SLAIN1: variants seen among roughly 807,000 people sequenced by gnomAD.
The protein encoded by SLAIN1 is SLAIN family member 1.
In SLAIN1, 17 loss-of-function variants were observed where a neutral mutation model predicts 55.4. That is an observed-to-expected ratio of 0.31 (90% CI 0.21 to 0.46). The LOEUF is 0.46. SLAIN1 is among the 20% of genes least tolerant of loss of function. SLAIN1 has a pLI of 1.00. For synonymous variants in SLAIN1, 348 were observed against 337.4 expected (o/e 1.03, Z -0.35); for missense variants, 682 against 785.1 (o/e 0.87, Z 1.57).
At chr13:77,740,496 CAT>C (rs1406643773) in intron 2 of SLAIN1, among the ~76,000 whole-genome samples, 3 of 151,154 alleles carry the variant, frequency 2.0e-5, no homozygotes, top group Non-Finnish European at 4.4e-5. Context: ...TGAAAAAATG[CAT>C]AGTCTATGCC....
chr13:77,707,641 G>A (rs1352514832), intron 1 of SLAIN1, among the ~76,000 whole-genome samples: 1 of 152,124 alleles, frequency 6.6e-6, no homozygotes, highest in East Asian at 1.9e-4. Flanking sequence ...CCACATTCAA[G>A]CATCTCTAGG....
chr13:77,709,262 A>G (rs1456592398), intron 1 of SLAIN1, among the ~76,000 whole-genome samples: 2 of 152,128 alleles, frequency 1.3e-5, no homozygotes, highest in African/African-American at 2.4e-5. Flanking sequence ...ATATGGGACT[A>G]TGTGAAAAGA....
At chr13:77,743,256 GAAT>G in intron 2 of SLAIN1, 1 of 1,089,444 alleles carries the variant, frequency 9.2e-7, no homozygotes, top group Non-Finnish European at 1.2e-6. Flanking sequence ...AAAAGCTTGA[GAAT>G]AATCTTAAGA....
chr13:77,752,196 A>G (rs907084897), intron 4 of SLAIN1, among the ~76,000 whole-genome samples: 1 of 152,086 alleles, frequency 6.6e-6, no homozygotes, highest in Non-Finnish European at 1.5e-5. Flanking sequence ...TGGATATTTC[A>G]AGACATCTGA....
At chr13:77,758,618 G>C (rs558783012) in intron 5 of SLAIN1, among the ~76,000 whole-genome samples, 1 of 152,062 alleles carries the variant, frequency 6.6e-6, no homozygotes, top group Non-Finnish European at 1.5e-5. Context: ...TGAGAGGTAG[G>C]TATTCAGTTT....
chr13:77,712,152 C>G (rs2091158170), intron 1 of SLAIN1, among the ~76,000 whole-genome samples: 1 of 152,152 alleles, frequency 6.6e-6, no homozygotes, highest in Admixed American at 6.5e-5. Flanking sequence ...CTTTTGAAAA[C>G]TGGCACAAGA....
At chr13:77,719,489 G>T in intron 1 of SLAIN1, 43 bp from the exon 2 acceptor site, 2 of 1,484,416 alleles carry the variant, frequency 1.3e-6, no homozygotes. Context: ...GGTACTCTCT[G>T]TATACCTATA....
At position 77,697,938 on chromosome 13, in the gene SLAIN1, G is replaced by T. The variant is rs2090989991; in HGVS notation, c.25G>T (p.Ala9Ser). 4 of 1,425,258 alleles carry T rather than the reference G, an allele frequency of 2.8e-6. No individual in the cohort carries two copies. The highest frequency in any genetic ancestry group is 3.0e-5 in the African/African-American group (2 of 66,418). 88.3% of individuals were successfully genotyped at this position (1,425,258 alleles called of 1,614,324 possible). A position where few individuals can be genotyped will look rare whatever the true frequency, so the allele number is the denominator to read the frequency against. ...GATGATGGCGGAGCAGGTGAAATGC[G>T]CCTCGGCAGGGGTCAGCTCTGGAGC... is the stretch of plus-strand genomic sequence containing the variant. MMAEQVKCASAGVSSGAGS... is the reference protein window; with the variant it reads MMAEQVKCSSAGVSSGAGS... Residue 9 changes from alanine (A) to serine (S), a missense_variant, in exon 1 of 7, where the codon GCC becomes TCC. Physicochemically the swap from Ala to Ser is moderately conservative, Grantham distance 99. Coordinates refer to ENST00000418532, the MANE Select transcript of SLAIN1 (RefSeq NM_001242868.2).
At chr13:77,755,026 C>T (rs1307414910) in intron 5 of SLAIN1, among the ~76,000 whole-genome samples, 3 of 152,060 alleles carry the variant, frequency 2.0e-5, no homozygotes, top group Admixed American at 1.3e-4. Context: ...CATTTTATGT[C>T]AGGAGGTTAG....
At chr13:77,721,635 G>C (rs1429299705) in intron 2 of SLAIN1, among the ~76,000 whole-genome samples, 1 of 151,686 alleles carries the variant, frequency 6.6e-6, no homozygotes, top group Non-Finnish European at 1.5e-5. Flanking sequence ...TTTAGATTTT[G>C]TGGGCTACAT....
At chr13:77,755,172 A>C (rs2154410863) in intron 5 of SLAIN1, among the ~76,000 whole-genome samples, 1 of 152,264 alleles carries the variant, frequency 6.6e-6, no homozygotes, top group African/African-American at 2.4e-5. Context: ...TACAAAAATT[A>C]GCCAGGCATA....
At chr13:77,748,398 C>CTTTT (rs934265928) in intron 4 of SLAIN1, among the ~76,000 whole-genome samples, 1,313 of 79,456 alleles carry the variant, frequency 0.017, 50 homozygotes, top group African/African-American at 0.04. Context: ...TTCTCTAAAG[C>CTTTT]TTTTTTTTTT....
At chr13:77,730,008 A>T (rs1247592020) in intron 2 of SLAIN1, among the ~76,000 whole-genome samples, 1 of 152,028 alleles carries the variant, frequency 6.6e-6, no homozygotes, top group Non-Finnish European at 1.5e-5. Flanking sequence ...ATAAGCCATA[A>T]CTCAAAGAAG....
chr13:77,742,677 A>C (rs117219463), intron 2 of SLAIN1: 1 of 152,212 alleles, frequency 6.6e-6, no homozygotes, highest in African/African-American at 2.4e-5. Flanking sequence ...ATCCTTTTTT[A>C]TATTGCAAAA....
chr13:77,746,927 G>T (rs1873868394), intron 4 of SLAIN1, 72 bp downstream of exon 4: 1 of 1,290,884 alleles, frequency 7.7e-7, no homozygotes, highest in Non-Finnish European at 1.1e-6. Flanking sequence ...TGGTTTTTGT[G>T]TTTTTGTTTT....
intron 2 of SLAIN1, among the ~76,000 whole-genome samples, chr13:77,739,468 A>G (rs761469361): frequency 5.9e-5 from 9 of 152,088 alleles, no homozygotes; most frequent in Non-Finnish European, 1.2e-4. Context: ...AATATGTTAT[A>G]GTGTTGCTTT....
At chr13:77,746,380 A>G in intron 3 of SLAIN1, 134 bp from the exon 4 acceptor site, 2 of 699,076 alleles carry the variant, frequency 2.9e-6, no homozygotes, top group Non-Finnish European at 4.6e-6. Flanking sequence ...TTGTCAATTT[A>G]GTAAACTTGA....
At chr13:77,711,347 A>G (rs2154409476) in intron 1 of SLAIN1, among the ~76,000 whole-genome samples, 1 of 152,322 alleles carries the variant, frequency 6.6e-6, no homozygotes, top group African/African-American at 2.4e-5. Flanking sequence ...TAAAGAAGAA[A>G]AGAGAGAAGA....
At chr13:77,715,422 A>C (rs1765164616) in intron 1 of SLAIN1, among the ~76,000 whole-genome samples, 1 of 152,144 alleles carries the variant, frequency 6.6e-6, no homozygotes, top group Non-Finnish European at 1.5e-5. Flanking sequence ...TCTTCATATG[A>C]ACATGCTTTC....
Sources: gnomAD v4.1 joint callset for allele counts (sites outside exome capture counted in the v4.1 genomes callset) on GRCh38, gnomAD v4.1.1 for gene constraint, MANE v1.5 for transcripts, NCBI Gene and HGNC (gene_info 2026-07-23, HGNC 2026-07-21) for gene names.